ANO2: variants seen among roughly 807,000 people sequenced by gnomAD.
The protein encoded by ANO2 is anoctamin 2.
In ANO2, 101 loss-of-function variants were observed where a neutral mutation model predicts 124.2. The ratio of observed to expected loss-of-function variants is 0.81; its 90% CI spans 0.69 to 0.96. The LOEUF is 0.96. Ranked by LOEUF, ANO2 falls within the 40% of genes least tolerant of loss-of-function variation. The pLI, the probability that ANO2 is intolerant of heterozygous loss-of-function variation, is 0.00. For synonymous variants in ANO2, 486 were observed against 482.5 expected (o/e 1.01, Z -0.09); for missense variants, 1,293 against 1,274.5 (o/e 1.01, Z -0.22).
At position 5,745,576 on chromosome 12, in the gene ANO2, TC is replaced by T. The variant is rs551937256; in HGVS notation, c.1191-1260del. 5.3e-5 allele frequency among the ~76,000 whole-genome samples: 8 copies of T among 152,266 alleles called. No homozygotes were observed. In the East Asian group the frequency reaches 1.5e-3, roughly 29 times the overall value. On this transcript the variant is annotated intron_variant, in intron 11 of 24. Transcript: ENST00000682330. ...AAGCCAAAGGATGCCTGGGTCTCTTTCCCCCTTCATTAAGAAGTTGAAGGGT... is the reference window on the plus strand; with the variant it reads ...AAGCCAAAGGATGCCTGGGTCTCTTTCCCCTTCATTAAGAAGTTGAAGGGT...
At chr12:5,569,713 T>C (rs976603093) in intron 23 of ANO2, among the ~76,000 whole-genome samples, 4 of 152,104 alleles carry the variant, frequency 2.6e-5, no homozygotes, top group African/African-American at 7.2e-5. Flanking sequence ...GAGTGAATAA[T>C]AGATGTGTGT....
At chr12:5,680,084 G>C (rs1454468272) in intron 14 of ANO2, among the ~76,000 whole-genome samples, 3 of 152,172 alleles carry the variant, frequency 2.0e-5, no homozygotes, top group Non-Finnish European at 4.4e-5. Flanking sequence ...GAAGCTGAAT[G>C]ATGAGAACAC....
chr12:5,770,456 A>G (rs1370141242), intron 10 of ANO2, among the ~76,000 whole-genome samples: 1 of 152,188 alleles, frequency 6.6e-6, no homozygotes, highest in African/African-American at 2.4e-5. Flanking sequence ...ATATTTCAGC[A>G]TACAGAACCA....
chr12:5,686,265 A>G (rs3782629), intron 14 of ANO2, among the ~76,000 whole-genome samples: 56,877 of 152,100 alleles, frequency 0.37, 12,389 homozygotes, highest in East Asian at 0.59. Flanking sequence ...ACCACTACCC[A>G]CATCATCAGC....
intron 3 of ANO2, among the ~76,000 whole-genome samples, chr12:5,920,241 A>G (rs944551146): frequency 6.6e-6 from 1 of 152,106 alleles, no homozygotes; most frequent in African/African-American, 2.4e-5. Context: ...GTATGTCCCA[A>G]CTCAGTTTCC....
chr12:5,629,663 G>C (rs1385133457), intron 16 of ANO2, among the ~76,000 whole-genome samples: 1 of 152,162 alleles, frequency 6.6e-6, no homozygotes, highest in Non-Finnish European at 1.5e-5. Context: ...TGGAGTGAAT[G>C]GATCACTGGG....
In ANO2 at chr12:5,747,278, A is replaced by G. The variant is rs147862816; in HGVS notation, c.1191-2961T>C. Among the ~76,000 whole-genome samples, 972 of 152,360 alleles carry G rather than the reference A, an allele frequency of 6.4e-3. 11 individuals are homozygous for G. The highest frequency in any genetic ancestry group is 0.021 in the African/African-American group (885 of 41,596). On this transcript the variant is annotated intron_variant, in intron 11 of 24. Transcript: ENST00000682330. ...AGCAACCTCTAAAATAATCCCAGGA[A>G]TACTGTAAGTTTTTAATCACAGTTA...
At chr12:5,713,233 C>T (rs1379184763) in intron 14 of ANO2, among the ~76,000 whole-genome samples, 5 of 152,134 alleles carry the variant, frequency 3.3e-5, no homozygotes, top group African/African-American at 2.4e-5. Flanking sequence ...TCGGGTGTGG[C>T]AAGTAAGAGG....
In ANO2 at chr12:5,575,933, C is replaced by A. The variant is rs754969629; in HGVS notation, c.2522G>T (p.Gly841Val). The A allele has an allele frequency of 3.1e-6, 5 of 1,613,488 alleles. No homozygotes were observed. In the South Asian group the frequency reaches 5.5e-5, roughly 18 times the overall value. ...AAAGGAGAGGGTGTGGTTGACAAAG[C>A]CGTGCAGAGTCCCATTGTGACTGTA... The part of the protein sequence containing the change: ...YSYSHNGTLH[G>V]FVNHTLSFFN... The change falls in exon 23 of 25, where the codon GGC becomes GTC. Residue 841 changes from glycine (G) to valine (V), a missense_variant. Gly to Val is a moderately radical substitution (Grantham distance 109). Transcript: ENST00000682330.
chr12:5,852,640 A>T (rs568061720), intron 4 of ANO2, among the ~76,000 whole-genome samples: 264 of 152,260 alleles, frequency 1.7e-3, no homozygotes, highest in African/African-American at 6.1e-3. Flanking sequence ...CCAACAATGT[A>T]AATCAGAATG....
intron 10 of ANO2, among the ~76,000 whole-genome samples, chr12:5,770,254 C>T (rs1990487): frequency 1 from 152,291 of 152,316 alleles, 76,133 homozygotes; most frequent in Non-Finnish European, 1. Flanking sequence ...CCCCAGTTCA[C>T]GGGATGGGAA....
chr12:5,827,996 G>A (rs1407013057), intron 6 of ANO2, among the ~76,000 whole-genome samples, 176 bp from the exon 7 acceptor site: 1 of 152,194 alleles, frequency 6.6e-6, no homozygotes, highest in African/African-American at 2.4e-5. Flanking sequence ...CAGACTTGAG[G>A]ACTTTGAGGA....
At chr12:5,882,194 T>C (rs1213379845) in intron 3 of ANO2, among the ~76,000 whole-genome samples, 1 of 152,206 alleles carries the variant, frequency 6.6e-6, no homozygotes, top group East Asian at 1.9e-4. Context: ...ACTCAGTCAC[T>C]GAAGTCTAAA....
At chr12:5,571,597 G>A (rs1164876963) in intron 23 of ANO2, among the ~76,000 whole-genome samples, 3 of 152,138 alleles carry the variant, frequency 2.0e-5, no homozygotes, top group Non-Finnish European at 4.4e-5. Flanking sequence ...TTCCCACCAC[G>A]GAAGCAGTTT....
intron 3 of ANO2, among the ~76,000 whole-genome samples, chr12:5,885,980 T>A (rs1485982425): frequency 6.6e-6 from 1 of 152,182 alleles, no homozygotes; most frequent in Non-Finnish European, 1.5e-5. Flanking sequence ...CACACCCTAC[T>A]GCCAATGATG....
chr12:5,565,811 C>T (rs1235712062), intron 23 of ANO2, 148 bp from the exon 24 acceptor site: 25 of 635,516 alleles, frequency 3.9e-5, no homozygotes, highest in Non-Finnish European at 6.5e-5. Context: ...TGGGGGGAAT[C>T]TATGGCCTAA....
intron 19 of ANO2, chr12:5,609,054 A>T (rs983722950): frequency 1.3e-5 from 2 of 152,216 alleles, no homozygotes; most frequent in African/African-American, 4.8e-5. Context: ...AAGGGGCCAG[A>T]TGCGGCTTTG....
chr12:5,795,942 G>T (rs1483799653), intron 10 of ANO2, among the ~76,000 whole-genome samples: 1 of 152,080 alleles, frequency 6.6e-6, no homozygotes, highest in East Asian at 1.9e-4. Context: ...CTCCCTAAAG[G>T]ACTAGAAGAG....
At chr12:5,827,963 A>G in intron 6 of ANO2, 143 bp from the exon 7 acceptor site, 1 of 829,048 alleles carries the variant, frequency 1.2e-6, no homozygotes, top group Non-Finnish European at 1.9e-6. Flanking sequence ...TGCCTGGCTC[A>G]TGGCCCGCAC....
Sources: gnomAD v4.1 joint callset for allele counts (sites outside exome capture counted in the v4.1 genomes callset) on GRCh38, gnomAD v4.1.1 for gene constraint, MANE v1.5 for transcripts, NCBI Gene and HGNC (gene_info 2026-07-23, HGNC 2026-07-21) for gene names.